The following SEC61A1 variants were observed in gnomAD, a reference collection of about 807,000 sequenced individuals.
SEC61A1 encodes the protein protein transport protein Sec61 subunit alpha isoform 1.
SEC61A1 carries 15 observed loss-of-function variants against 55.2 expected under a neutral mutation model. The observed-to-expected ratio is 0.27, with a 90% confidence interval of 0.18 to 0.42. The LOEUF (loss-of-function observed/expected upper bound fraction) is 0.42, where lower values mean the gene tolerates loss of function less well. Ranked by LOEUF, SEC61A1 falls within the 10% of genes least tolerant of loss-of-function variation. The probability of loss-of-function intolerance (pLI) is 1.00; values close to 1 mark genes in which losing one functional copy is unlikely to be tolerated. For missense variants in SEC61A1, 284 were observed against 602.6 expected, an observed-to-expected ratio of 0.47 and a Z score of 5.53; for synonymous variants, 247 against 234.0, an observed-to-expected ratio of 1.06 and a Z score of -0.51.
chr3:128,052,165 G>A (rs1204093084), upstream of SEC61A1, among the ~76,000 whole-genome samples: 2 of 152,090 alleles, frequency 1.3e-5, no homozygotes, highest in African/African-American at 4.8e-5. Context: ...CCCAGTCTCG[G>A]GAGGCGTGAC....
chr3:128,069,672 C>G lies in SEC61A1; in HGVS notation c.*10C>G, dbSNP rs1438483999. On this transcript the variant is annotated 3_prime_UTR_variant, in exon 12 of 12. Transcript: ENST00000243253. ...GGCCCTGCTCTTCTGAGCCCGTCTC[C>G]CGGACAGGTTGAGGAAGCTGCTCCA... The G allele has an allele frequency of 6.2e-7, 1 of 1,613,162 alleles. No individual in the cohort carries two copies. Among genetic ancestry groups the G allele is most frequent in the Non-Finnish European group, 8.5e-7 (1 of 1,179,484 alleles).
intron 7 of SEC61A1, chr3:128,064,654 A>C (rs1260485012): frequency 3.8e-6 from 2 of 533,118 alleles, no homozygotes; most frequent in Non-Finnish European, 6.6e-6. Context: ...CCTGTCTAAA[A>C]AAAATCAAAA....
intron 1 of SEC61A1, 94 bp from the exon 2 acceptor site, chr3:128,052,741 C>T: frequency 6.7e-7 from 1 of 1,494,180 alleles, no homozygotes; most frequent in East Asian, 2.3e-5. Flanking sequence ...CTGGCCCCTG[C>T]TCTCACTCGT....
chr3:128,060,219 T>C lies in SEC61A1; in HGVS notation c.462+8T>C. 2 of 1,576,506 alleles carry C rather than the reference T, an allele frequency of 1.3e-6. No individual in the cohort carries two copies. Among genetic ancestry groups the C allele is most frequent in the Non-Finnish European group, 1.7e-6 (2 of 1,145,576 alleles). On this transcript the variant is annotated splice_region_variant and intron_variant, in intron 6 of 11. Transcript: ENST00000243253. ...CTGCTAATCACCATTCAGGTAATTA[T>C]TATGCTAACATCTCCCTTTGAGTAG...
Position 128,068,090 on chromosome 3 carries a change from C to T in SEC61A1, c.1244+31C>T, listed in dbSNP as rs575581842. On this transcript the variant is annotated intron_variant, in intron 11 of 11. Transcript: ENST00000243253. ...TGGTGGCCCCAGGTCCCCAACCTCC[C>T]GTCTGTGGACATGTGTTGTTTCTTT... The T allele has an allele frequency of 2.9e-5, 46 of 1,562,648 alleles. No individual in the cohort carries two copies. In the East Asian group the frequency reaches 7.8e-4, roughly 27 times the overall value.
At chr3:128,066,881 G>A (rs1021545790) in intron 8 of SEC61A1, 73 bp from the exon 9 acceptor site, 60 of 1,479,398 alleles carry the variant, frequency 4.1e-5, no homozygotes, top group East Asian at 2.3e-4. Context: ...GACAGTCCCC[G>A]GCCGGGCTGT....
chr3:128,068,538 C>T (rs1942054316), intron 11 of SEC61A1: 1 of 160,998 alleles, frequency 6.2e-6, no homozygotes, highest in African/African-American at 2.4e-5. Context: ...TGATGTGCAT[C>T]TGAAGCAGGG....
chr3:128,060,734 A>G, intron 7 of SEC61A1, 73 bp downstream of exon 7: 1 of 1,429,028 alleles, frequency 7.0e-7, no homozygotes, highest in Non-Finnish European at 9.5e-7. Flanking sequence ...GCAGAAGACA[A>G]AAATCCCCCC....
At chr3:128,060,391 G>A in intron 6 of SEC61A1, 117 bp from the exon 7 acceptor site, 1 of 1,216,802 alleles carries the variant, frequency 8.2e-7, no homozygotes, top group Non-Finnish European at 1.2e-6. Flanking sequence ...CTCTGGGGCT[G>A]AGGATGTGAT....
intron 2 of SEC61A1, among the ~76,000 whole-genome samples, chr3:128,053,760 C>T: frequency 6.6e-6 from 1 of 152,186 alleles, no homozygotes; most frequent in Non-Finnish European, 1.5e-5. Context: ...GGCAGGCAAG[C>T]CTAGGTCCCA....
intron 11 of SEC61A1, 105 bp from the exon 12 acceptor site, chr3:128,069,371 G>A: frequency 2.0e-6 from 2 of 1,023,958 alleles, no homozygotes; most frequent in South Asian, 3.0e-5. Flanking sequence ...ACAGCAGAGG[G>A]GCCTTTGAGG....
chr3:128,064,800 T>C, intron 7 of SEC61A1, 77 bp from the exon 8 acceptor site: 1 of 1,330,370 alleles, frequency 7.5e-7, no homozygotes, highest in Non-Finnish European at 1.0e-6. Flanking sequence ...CCTCTTTTTA[T>C]TTGTCTGCTA....
chr3:128,051,913 A>C, upstream of SEC61A1: 1 of 1,534,560 alleles, frequency 6.5e-7, no homozygotes, highest in Middle Eastern at 1.7e-4. Context: ...GGTGCTCGGT[A>C]AGCCCCACCA....
intron 7 of SEC61A1, among the ~76,000 whole-genome samples, chr3:128,062,787 A>G (rs1192384675): frequency 6.6e-6 from 1 of 152,202 alleles, no homozygotes; most frequent in Admixed American, 6.5e-5. Context: ...TGGGAGGAGT[A>G]AAAGTGAAAG....
rs1054246501 is a variant in SEC61A1 at position 128,052,544 on chromosome 3, G to T, written c.-9G>T. The T allele has an allele frequency of 6.3e-7, 1 of 1,598,124 alleles. No homozygotes were observed. ...TGAAGCGGGACCCGGAGCCCGAGCAGCCGCCGCCATGGCAAGTGAGTCCTG... is the reference window on the plus strand; with the variant it reads ...TGAAGCGGGACCCGGAGCCCGAGCATCCGCCGCCATGGCAAGTGAGTCCTG... On this transcript the variant is annotated 5_prime_UTR_variant, in exon 1 of 12. Transcript: ENST00000243253.
Position 128,070,816 on chromosome 3 carries a change from G to A in SEC61A1, c.*1154G>A, listed in dbSNP as rs1942143361. 1 of 152,420 alleles carries A rather than the reference G, an allele frequency of 6.6e-6. No homozygotes were observed. The highest frequency in any genetic ancestry group is 6.5e-5 in the Admixed American group (1 of 15,286). The allele number at this position is 152,420 out of a possible 1,614,324, so 9.4% of individuals were successfully genotyped here. The stretch of plus-strand genomic sequence containing the variant: ...TTTATGTCTGGAATAAGTTCTGTTT[G>A]TGCTGACAGGTGGCCTAGGTCCTGG... On this transcript the variant is annotated 3_prime_UTR_variant, in exon 12 of 12. Coordinates refer to ENST00000243253, the MANE Select transcript of SEC61A1 (RefSeq NM_013336.4).
At chr3:128,060,894 G>A (rs570647808) in intron 7 of SEC61A1, among the ~76,000 whole-genome samples, 17 of 152,276 alleles carry the variant, frequency 1.1e-4, no homozygotes, top group African/African-American at 3.1e-4. Context: ...CGTTTGGCAC[G>A]TCAGAATACA....
chr3:128,055,827 G>A, intron 4 of SEC61A1, 76 bp downstream of exon 4: 1 of 1,174,324 alleles, frequency 8.5e-7, no homozygotes, highest in Non-Finnish European at 1.3e-6. Context: ...AATAGGCTTT[G>A]GCTTTATATG....
In SEC61A1 at chr3:128,063,501, A is replaced by G. The variant is rs151085730; in HGVS notation, c.617-1376A>G. Among the ~76,000 whole-genome samples the G allele has an allele frequency of 6.7e-3, 1,014 of 152,138 alleles. 8 individuals carry two copies. Among genetic ancestry groups the G allele is most frequent in the African/African-American group, 0.023 (951 of 41,494 alleles). On this transcript the variant is annotated intron_variant, in intron 7 of 11. Transcript: ENST00000243253. ...AGGCGCCCGCCACCATGTTCGGCTAATTTTTTTGTATTATTAGTAGAGACA... is the reference window on the plus strand; with the variant it reads ...AGGCGCCCGCCACCATGTTCGGCTAGTTTTTTTGTATTATTAGTAGAGACA...
Sources: gnomAD v4.1 joint callset for allele counts (sites outside exome capture counted in the v4.1 genomes callset) on GRCh38, gnomAD v4.1.1 for gene constraint, MANE v1.5 for transcripts, NCBI Gene and HGNC (gene_info 2026-07-23, HGNC 2026-07-21) for gene names.